GNB1L: variants seen among roughly 807,000 people sequenced by gnomAD.
GNB1L encodes G protein subunit beta 1 like.
GNB1L carries 20 observed loss-of-function variants against 29.1 expected under a neutral mutation model. The ratio of observed to expected loss-of-function variants is 0.69; its 90% confidence interval spans 0.48 to 1.00. The LOEUF is 1.00. GNB1L is among the 50% of genes least tolerant of loss of function. The pLI is 0.00. For synonymous variants in GNB1L, 193 were observed against 206.5 expected (o/e 0.93, Z 0.56); for missense variants, 421 against 464.9 (o/e 0.91, Z 0.87).
At chr22:19,804,163 C>T (rs974930922) in intron 6 of GNB1L, among the ~76,000 whole-genome samples, 1 of 152,290 alleles carries the variant, frequency 6.6e-6, no homozygotes, top group Admixed American at 6.5e-5. Flanking sequence ...CCGGGCAGTC[C>T]TCTTGTGGCT....
intron 5 of GNB1L, among the ~76,000 whole-genome samples, chr22:19,810,565 G>A (rs1215488100): frequency 2.0e-5 from 3 of 152,296 alleles, no homozygotes; most frequent in Admixed American, 1.3e-4. Context: ...TCCTCAGCCC[G>A]GGGCTGCCCC....
intron 2 of GNB1L, among the ~76,000 whole-genome samples, chr22:19,842,653 A>C (rs756482299): frequency 2.6e-5 from 4 of 152,246 alleles, no homozygotes; most frequent in Non-Finnish European, 5.9e-5. Flanking sequence ...GGAAGGGATG[A>C]GCCTGCTCAG....
At chr22:19,809,546 T>C (rs1937475251) in intron 5 of GNB1L, among the ~76,000 whole-genome samples, 1 of 152,190 alleles carries the variant, frequency 6.6e-6, no homozygotes, top group Non-Finnish European at 1.5e-5. Flanking sequence ...AAGCCACCTA[T>C]GGACAGCTAA....
At chr22:19,851,944 G>A (rs200169059) in intron 2 of GNB1L, 20 of 1,614,122 alleles carry the variant, frequency 1.2e-5, no homozygotes, top group South Asian at 3.3e-5. Context: ...AGCCATCAAA[G>A]GTGCCTGGGT....
At chr22:19,847,759 C>T in intron 2 of GNB1L, 1 of 956,280 alleles carries the variant, frequency 1.0e-6, no homozygotes, top group Non-Finnish European at 1.2e-6. Flanking sequence ...TCCATACCTC[C>T]ACAACTCTGG....
rs755703791 is a variant in GNB1L, at chr22:19,816,932, C to T, written c.254+3666G>A. Among the ~76,000 whole-genome samples, 6 of 152,224 alleles carry T rather than the reference C, an allele frequency of 3.9e-5. No individual in the cohort carries two copies. The highest frequency in any genetic ancestry group is 8.8e-5 in the Non-Finnish European group (6 of 68,048). ...ACTGCCTGGCACCCCCTTCCCACCC[C>T]ATCCAAGGGGCACTGAGGTGGGGGA... is the stretch of plus-strand genomic sequence containing the variant. On this transcript the variant is annotated intron_variant, in intron 4 of 7. Transcript: ENST00000329517. The surrounding 1 kb of genome is among the most constrained non-coding windows in gnomAD (Gnocchi z 4.4).
At chr22:19,820,520 G>A (rs1937569482) in intron 4 of GNB1L, 78 bp downstream of exon 4, 2 of 1,479,052 alleles carry the variant, frequency 1.4e-6, no homozygotes, top group Non-Finnish European at 9.2e-7. Flanking sequence ...CCCCTCAGTG[G>A]GGGACACCAG....
chr22:19,826,414 A>G lies in GNB1L; in HGVS notation c.-20-5039T>C, dbSNP rs116559625. ...AAGTGCAAGGTTGTAGTCAAAAATC[A>G]CAAAAGTCAACAAGGCACTGTAATC... On this transcript the variant is annotated intron_variant, in intron 2 of 7. Coordinates refer to ENST00000329517, the MANE Select transcript of GNB1L (RefSeq NM_053004.3). Among the ~76,000 whole-genome samples, 504 of 152,342 alleles carry G rather than the reference A, an allele frequency of 3.3e-3. 1 individual carries two copies. Among genetic ancestry groups the G allele is most frequent in the African/African-American group, 0.012 (482 of 41,582 alleles).
chr22:19,804,915 G>A (rs576590281), intron 6 of GNB1L, among the ~76,000 whole-genome samples: 30 of 152,314 alleles, frequency 2.0e-4, no homozygotes, highest in African/African-American at 6.3e-4. Context: ...GTGCAGACTC[G>A]GACACCCTTC....
At chr22:19,824,477 G>C (rs969838225) in intron 2 of GNB1L, among the ~76,000 whole-genome samples, 1 of 152,226 alleles carries the variant, frequency 6.6e-6, no homozygotes, top group African/African-American at 2.4e-5. Flanking sequence ...GCTCTTCCAG[G>C]TGTCAAAGTG....
chr22:19,847,769 G>A, intron 2 of GNB1L: 1 of 896,478 alleles, frequency 1.1e-6, no homozygotes, highest in Non-Finnish European at 1.3e-6. Context: ...CACAACTCTG[G>A]GCATCTAAAA....
At chr22:19,799,326 C>T (rs1054697385) in intron 7 of GNB1L, among the ~76,000 whole-genome samples, 14 of 152,214 alleles carry the variant, frequency 9.2e-5, no homozygotes, top group African/African-American at 2.4e-4. Flanking sequence ...TGACAGCTCA[C>T]GGGAAAGCCG....
intron 7 of GNB1L, among the ~76,000 whole-genome samples, chr22:19,790,390 G>A (rs1163041859): frequency 1.4e-4 from 21 of 152,198 alleles, no homozygotes; most frequent in Admixed American, 1.0e-3. Flanking sequence ...CCTCATCCCC[G>A]AGAGATTATC....
chr22:19,846,615 T>A lies in GNB1L; in HGVS notation c.-21+7828A>T, dbSNP rs145121388. The A allele has an allele frequency of 8.1e-4, 747 of 927,242 alleles. 4 individuals carry two copies. In the African/African-American group the frequency reaches 0.012, roughly 15 times the overall value. 57.4% of individuals were successfully genotyped at this position (927,242 alleles called of 1,614,324 possible). ...TCCCTTCAATATTTTTATGTTCAAG[T>A]CCTAACCCCTAGTACTTACATTTGA... On this transcript the variant is annotated intron_variant, in intron 2 of 7. Coordinates refer to ENST00000329517, the MANE Select transcript of GNB1L (RefSeq NM_053004.3).
intron 2 of GNB1L, among the ~76,000 whole-genome samples, chr22:19,845,689 C>A (rs1937945563): frequency 6.6e-6 from 1 of 152,162 alleles, no homozygotes; most frequent in Non-Finnish European, 1.5e-5. Flanking sequence ...GATGATGTAG[C>A]CCAAAGAAAA....
intron 2 of GNB1L, chr22:19,847,407 G>C (rs1937985818): frequency 1.0e-6 from 1 of 985,250 alleles, no homozygotes; most frequent in Non-Finnish European, 1.2e-6. Flanking sequence ...TCAAAAAACA[G>C]TGACACCCAT....
rs1174647282 is a variant in GNB1L at position 19,787,650 on chromosome 22, A to G, written c.*1059T>C. On this transcript the variant is annotated 3_prime_UTR_variant, in exon 8 of 8. Transcript: ENST00000329517. ...AGGGCCTTGCAGGGCAACTGCCTCA[A>G]GGGAGGCCACCCCGGGCCTTCAGCT... is the stretch of plus-strand genomic sequence containing the variant. The G allele has an allele frequency of 6.6e-6, 1 of 152,318 alleles. No individual in the cohort carries two copies. The highest frequency in any genetic ancestry group is 1.9e-4 in the East Asian group (1 of 5,194). The allele number at this position is 152,318 out of a possible 1,614,324, so 9.4% of individuals were successfully genotyped here. A position where few individuals can be genotyped will look rare whatever the true frequency, so the allele number is the denominator to read the frequency against.
intron 2 of GNB1L, among the ~76,000 whole-genome samples, chr22:19,829,180 G>A (rs115632336): frequency 0.015 from 2,323 of 152,216 alleles, 53 homozygotes; most frequent in African/African-American, 0.052. Context: ...CAATAAGTAG[G>A]CAGATAGAAG....
rs1937295843 is a variant in GNB1L at position 19,795,448 on chromosome 22, CG to C, written c.733-6489del. On this transcript the variant is annotated intron_variant, in intron 7 of 7. Transcript: ENST00000329517. ...GACGGAAGGCTCCACCCCACAACTG[CG>C]GAACACACGCTCCTTTCAAGTCCAT... Among the ~76,000 whole-genome samples, 2 of 152,178 alleles carry C rather than the reference CG, an allele frequency of 1.3e-5. 1 individual carries two copies. The highest frequency in any genetic ancestry group is 4.1e-4 in the South Asian group (2 of 4,828).
Sources: allele counts gnomAD v4.1 joint callset (sites outside exome capture counted in the v4.1 genomes callset), GRCh38; gene constraint gnomAD v4.1.1; non-coding constraint Gnocchi (gnomAD v3.1); transcripts MANE v1.5; gene names NCBI Gene and HGNC (gene_info 2026-07-23, HGNC 2026-07-21).